Variants in DNAAF8 observed in about 807,000 individuals in gnomAD.
The protein encoded by DNAAF8 is dynein axonemal assembly factor 8.
A neutral mutation model predicts 54.6 loss-of-function variants in DNAAF8; 61 were observed. That is an observed-to-expected ratio of 1.12 (90% confidence interval 0.91 to 1.38). The LOEUF is 1.38. Ranked by LOEUF, DNAAF8 falls within the 40% of genes most tolerant of loss-of-function variation. The pLI is 0.00. For synonymous variants in DNAAF8, 320 were observed against 270.1 expected, an observed-to-expected ratio of 1.18 and a Z score of -1.81; for missense variants, 837 against 665.0, an observed-to-expected ratio of 1.26 and a Z score of -2.85.
intron 2 of DNAAF8, among the ~76,000 whole-genome samples, chr16:4,737,230 G>C (rs959279298): frequency 2.0e-5 from 3 of 152,130 alleles, no homozygotes; most frequent in Admixed American, 2.0e-4. Context: ...GGAACGGGCA[G>C]GGTTTGGGTC....
intron 1 of DNAAF8, among the ~76,000 whole-genome samples, 157 bp from the exon 2 acceptor site, chr16:4,736,307 T>C (rs1188238076): frequency 1.4e-5 from 2 of 140,006 alleles, no homozygotes; most frequent in Admixed American, 1.4e-4. Flanking sequence ...ACACACACAG[T>C]GCCTGGCACT....
chr16:4,740,360 C>T lies in DNAAF8; in HGVS notation c.484C>T (p.Gln162Ter). The T allele has an allele frequency of 6.2e-7, 1 of 1,613,880 alleles. No individual in the cohort carries two copies. ...GSLSFNTKGS[Q>*]GPPWDPQAEA... ...CCTGTCTTTCAACACCAAAGGATCC[C>T]AGGGTCCTCCCTGGGACCCACAGGC... The change falls in exon 4 of 10, where the codon CAG (glutamine) becomes TAG (stop). Residue 162 changes from glutamine to a stop codon, truncating the protein, a stop_gained. Coordinates refer to ENST00000299320, the MANE Select transcript of DNAAF8 (RefSeq NM_139170.3). LOFTEE classifies it high-confidence loss of function.
rs760429505 is a variant in DNAAF8 at position 4,743,149 on chromosome 16, G to A, written c.890G>A (p.Arg297His). 8.7e-6 allele frequency: 14 copies of A among 1,600,020 alleles called. No individual in the cohort carries two copies. Among genetic ancestry groups the A allele is most frequent in the South Asian group, 5.6e-5 (5 of 89,898 alleles). Residue 297 changes from arginine to histidine, a missense_variant, in exon 5 of 10, where the codon CGC becomes CAC. Arg to His is a conservative substitution (Grantham distance 29). Transcript: ENST00000299320. ...ACTGTGTGGTGGGCAGCTGACCACC[G>A]CCAAGTTCAAGGTCTGACCTTGAAC... The part of the protein sequence containing the change: ...PGTVWWAADH[R>H]QVQDRMVPSA...
At chr16:4,747,090 C>T in intron 8 of DNAAF8, 65 bp downstream of exon 8, 1 of 1,429,164 alleles carries the variant, frequency 7.0e-7, no homozygotes, top group African/African-American at 1.5e-5. Context: ...AGCAAGCCCT[C>T]CACCTGGCAC....
intron 2 of DNAAF8, 73 bp downstream of exon 2, chr16:4,736,716 T>G: frequency 7.5e-7 from 1 of 1,337,192 alleles, no homozygotes; most frequent in Non-Finnish European, 9.8e-7. Flanking sequence ...CAGGACAGCT[T>G]TGGAGCACTT....
At chr16:4,747,113 T>A in intron 8 of DNAAF8, 88 bp downstream of exon 8, 1 of 1,334,246 alleles carries the variant, frequency 7.5e-7, no homozygotes, top group Non-Finnish European at 1.0e-6. Context: ...TTACCGCCTG[T>A]GGTGAGGTCT....
chr16:4,740,584 C>T lies in DNAAF8; in HGVS notation c.708C>T (p.His236=), dbSNP rs766119849. The T allele has an allele frequency of 1.9e-5, 31 of 1,613,498 alleles. No homozygotes were observed. Among genetic ancestry groups the T allele is most frequent in the South Asian group, 8.8e-5 (8 of 91,082 alleles). ...GTGGGGTGAAGGAGGCGCCCTGCCA[C>T]GCTGCGGAGTCAGCTCCCAGATCCA... ...DKGGVKEAPC[H]AAESAPRSKM... Residue 236 remains histidine, a synonymous_variant, in exon 4 of 10, where the codon CAC becomes CAT. Coordinates refer to ENST00000299320, the MANE Select transcript of DNAAF8 (RefSeq NM_139170.3).
chr16:4,741,067 C>CAA (rs71139655), intron 4 of DNAAF8, among the ~76,000 whole-genome samples: 66 of 142,564 alleles, frequency 4.6e-4, no homozygotes, highest in African/African-American at 1.6e-3. Context: ...ACTAAAAATA[C>CAA]AAAAAAAAAA....
Position 4,746,982 on chromosome 16 carries a change from C to T in DNAAF8, c.1237C>T (p.Leu413=). ...GGAGGAGGAGGAAGAGATGGCAGCT[C>T]TGGGAGACGCAGAGGGGGCATCTCC... is the stretch of plus-strand genomic sequence containing the variant. The part of the protein sequence containing the change: ...EEEEEEEMAA[L]GDAEGASPSS... Residue 413 remains leucine (L), a synonymous_variant, in exon 8 of 10, where the codon CTG becomes TTG. Coordinates refer to ENST00000299320, the MANE Select transcript of DNAAF8 (RefSeq NM_139170.3). 1.9e-6 allele frequency: 3 copies of T among 1,549,862 alleles called. No homozygotes were observed. The highest frequency in any genetic ancestry group is 2.6e-6 in the Non-Finnish European group (3 of 1,152,568).
At chr16:4,738,901 T>C (rs528607165) in intron 3 of DNAAF8, among the ~76,000 whole-genome samples, 1 of 151,736 alleles carries the variant, frequency 6.6e-6, no homozygotes, top group African/African-American at 2.4e-5. Flanking sequence ...AAAATAATAA[T>C]AAAGAAAAGA....
chr16:4,740,967 A>C (rs183275711), intron 4 of DNAAF8, among the ~76,000 whole-genome samples: 1 of 151,536 alleles, frequency 6.6e-6, no homozygotes, highest in Non-Finnish European at 1.5e-5. Context: ...GGAGCCCCGG[A>C]GTTCAAGACC....
intron 4 of DNAAF8, among the ~76,000 whole-genome samples, chr16:4,741,857 A>T (rs1313323546): frequency 6.6e-6 from 1 of 152,208 alleles, no homozygotes; most frequent in East Asian, 1.9e-4. Flanking sequence ...TGTCACATTC[A>T]TGTCCTAGAG....
chr16:4,741,245 A>AG (rs1166372109), intron 4 of DNAAF8, among the ~76,000 whole-genome samples: 2 of 115,146 alleles, frequency 1.7e-5, no homozygotes, highest in African/African-American at 7.2e-5. Flanking sequence ...AAAAAAAAAA[A>AG]AAAGAAAGAA....
intron 4 of DNAAF8, among the ~76,000 whole-genome samples, chr16:4,741,584 G>T (rs1403821168): frequency 6.6e-6 from 1 of 152,182 alleles, no homozygotes; most frequent in Non-Finnish European, 1.5e-5. Flanking sequence ...AGGAAAATCT[G>T]AGGTCAGGAG....
At position 4,747,331 on chromosome 16, in the gene DNAAF8, A is replaced by T. The variant is rs770178058; in HGVS notation, c.1281-12A>T. On this transcript the variant is annotated splice_polypyrimidine_tract_variant and intron_variant, in intron 8 of 9. Coordinates refer to ENST00000299320, the MANE Select transcript of DNAAF8 (RefSeq NM_139170.3). ...CACGGGGTTGAGTGAATTTGGTCTCATTGTGTCACAGGACCTGTACCGGGA... is the reference window on the plus strand; with the variant it reads ...CACGGGGTTGAGTGAATTTGGTCTCTTTGTGTCACAGGACCTGTACCGGGA... 8.8e-5 allele frequency: 136 copies of T among 1,547,264 alleles called. No homozygotes were observed. The highest frequency in any genetic ancestry group is 1.1e-4 in the Non-Finnish European group (125 of 1,145,598).
intron 5 of DNAAF8, chr16:4,743,863 G>C (rs1312015213): frequency 6.6e-6 from 1 of 151,786 alleles, no homozygotes; most frequent in Non-Finnish European, 1.5e-5. Flanking sequence ...GTGTGTGCAT[G>C]TGTATGTGTG....
At chr16:4,739,265 G>GGTTTTTTTTTTTTTTTTTTTTTTTTTTT (rs1555482695) in intron 3 of DNAAF8, among the ~76,000 whole-genome samples, 1 of 69,030 alleles carries the variant, frequency 1.4e-5, no homozygotes, top group Non-Finnish European at 2.6e-5. Flanking sequence ...ATTTTTTCTT[G>GGTTTTTTTTTTTTTTTTTTTTTTTTTTT]TTTTTTTTTT....
rs550164404 is a variant in DNAAF8, at chr16:4,743,305, T to G, written c.901+145T>G. ...CTGCTGGCCCCGCCCTAAACACTCA[T>G]GCTGCCAGTCCCCAAAAGACTTCAT... is the stretch of plus-strand genomic sequence containing the variant. On this transcript the variant is annotated intron_variant, in intron 5 of 9. Transcript: ENST00000299320. 251 of 586,542 alleles carry G rather than the reference T, an allele frequency of 4.3e-4. 1 individual carries two copies. The African/African-American group carries it at 4.3e-3, about 10-fold the overall frequency. 36.3% of individuals were successfully genotyped at this position (586,542 alleles called of 1,614,324 possible). A position where few individuals can be genotyped will look rare whatever the true frequency, so the allele number is the denominator to read the frequency against.
At position 4,747,078 on chromosome 16, in the gene DNAAF8, G is replaced by C. The variant is rs112991899; in HGVS notation, c.1280+53G>C. 1,863 of 1,468,320 alleles carry C rather than the reference G, an allele frequency of 1.3e-3. 27 individuals are homozygous for C. In the African/African-American group the frequency reaches 0.024, roughly 19 times the overall value. 91.0% of individuals were successfully genotyped at this position (1,468,320 alleles called of 1,614,324 possible). A position where few individuals can be genotyped will look rare whatever the true frequency, so the allele number is the denominator to read the frequency against. Reference sequence around the variant, plus strand: ...TGCAGATGTCCCACCTCTGCTTTCTGCAGCAAGCCCTCCACCTGGCACATT... The same window carrying C: ...TGCAGATGTCCCACCTCTGCTTTCTCCAGCAAGCCCTCCACCTGGCACATT... On this transcript the variant is annotated intron_variant, in intron 8 of 9. Coordinates refer to ENST00000299320, the MANE Select transcript of DNAAF8 (RefSeq NM_139170.3).
Sources: allele counts gnomAD v4.1 joint callset (sites outside exome capture counted in the v4.1 genomes callset), GRCh38; gene constraint gnomAD v4.1.1; transcripts MANE v1.5; gene names NCBI Gene and HGNC (gene_info 2026-07-23, HGNC 2026-07-21).